Variants in CLK3 observed in about 807,000 individuals in gnomAD.
CLK3 encodes the protein dual specificity protein kinase CLK3.
CLK3 carries 24 observed loss-of-function variants against 65.2 expected under a neutral mutation model. The ratio of observed to expected loss-of-function variants is 0.37; its 90% CI spans 0.27 to 0.52. The LOEUF (loss-of-function observed/expected upper bound fraction) is 0.52. Ranked by LOEUF, CLK3 falls within the 20% of genes least tolerant of loss-of-function variation. The pLI, the probability that CLK3 is intolerant of heterozygous loss-of-function variation, is 0.92. For missense variants in CLK3, 506 were observed against 660.0 expected, an observed-to-expected ratio of 0.77 and a Z score of 2.56; for synonymous variants, 252 against 240.8, an observed-to-expected ratio of 1.05 and a Z score of -0.43.
intron 1 of CLK3, among the ~76,000 whole-genome samples, chr15:74,617,576 A>G (rs1456836166): frequency 6.6e-6 from 1 of 152,246 alleles, no homozygotes; most frequent in Non-Finnish European, 1.5e-5. Context: ...TGACATCTAT[A>G]TGACTCTGAA....
intron 5 of CLK3, chr15:74,623,563 T>TAC (rs2062120243): frequency 6.6e-6 from 1 of 152,150 alleles, no homozygotes; most frequent in Non-Finnish European, 1.5e-5. Context: ...TAAATGCCTG[T>TAC]ACGACTCAGC....
rs1012326908 is a variant in CLK3, at chr15:74,627,039, C to G, written c.818-313C>G. On this transcript the variant is annotated intron_variant, in intron 7 of 12. Coordinates refer to ENST00000395066, the MANE Select transcript of CLK3 (RefSeq NM_001130028.2). The surrounding 1 kb of genome is among the most constrained non-coding windows in gnomAD (Gnocchi z 4.3). ...CAGGGAAGAGGGAACCACCTCGAGG[C>G]TGTTGCTGTAGCTCTGCTGAGAGAC... is the stretch of plus-strand genomic sequence containing the variant. 1 of 511,228 alleles carries G rather than the reference C, an allele frequency of 2.0e-6. No homozygotes were observed. The highest frequency in any genetic ancestry group is 1.9e-5 in the African/African-American group (1 of 52,276). The allele number at this position is 511,228 out of a possible 1,614,324, so 31.7% of individuals were successfully genotyped here.
intron 1 of CLK3, among the ~76,000 whole-genome samples, chr15:74,618,291 C>G (rs1596286336): frequency 6.6e-6 from 1 of 152,194 alleles, no homozygotes; most frequent in East Asian, 1.9e-4. Flanking sequence ...GGTGGCAGAT[C>G]CAGCCTGGCA....
At position 74,627,384 on chromosome 15, in the gene CLK3, T is replaced by C. The variant is rs1156297620; in HGVS notation, c.850T>C (p.Leu284=). ...TGAGAATCAGCTGACCCATACAGAC[T>C]TGAAACCAGAGAACATCCTGTTTGT... ...LHENQLTHTD[L]KPENILFVNS... The change falls in exon 8 of 13, where the codon TTG becomes CTG. Residue 284 remains leucine (L), a synonymous_variant. Coordinates refer to ENST00000395066, the MANE Select transcript of CLK3 (RefSeq NM_001130028.2). The surrounding 1 kb of genome is among the most constrained non-coding windows in gnomAD (Gnocchi z 4.3). 1.2e-6 allele frequency: 2 copies of C among 1,614,042 alleles called. No homozygotes were observed. The highest frequency in any genetic ancestry group is 1.7e-6 in the Non-Finnish European group (2 of 1,180,020).
At chr15:74,628,900 C>A (rs765010968) in intron 11 of CLK3, 42 bp from the exon 12 acceptor site, 2 of 1,421,930 alleles carry the variant, frequency 1.4e-6, no homozygotes, top group Non-Finnish European at 2.0e-6. Context: ...AGGCTTGTCC[C>A]CTTACTACTC....
chr15:74,622,358 G>C lies in CLK3; in HGVS notation c.467-136G>C. 1 of 1,027,924 alleles carries C rather than the reference G, an allele frequency of 9.7e-7. No homozygotes were observed. The highest frequency in any genetic ancestry group is 1.5e-6 in the Non-Finnish European group (1 of 681,812). 63.7% of individuals were successfully genotyped at this position (1,027,924 alleles called of 1,614,324 possible). On this transcript the variant is annotated intron_variant, in intron 4 of 12. Transcript: ENST00000395066. The surrounding 1 kb of genome is among the most constrained non-coding windows in gnomAD (Gnocchi z 4.6). The stretch of plus-strand genomic sequence containing the variant: ...AATTGCCTGAATGACACAGACACTA[G>C]CAACTTCCATTTTTAAGAGTGTAGC...
intron 1 of CLK3, among the ~76,000 whole-genome samples, chr15:74,617,685 G>A (rs763584820): frequency 7.2e-5 from 11 of 152,242 alleles, no homozygotes; most frequent in Non-Finnish European, 1.2e-4. Flanking sequence ...GTGTCCTCCA[G>A]CTCTGGTGTT....
rs755302685 is a variant in CLK3 at position 74,629,898 on chromosome 15, C to T, written c.*15C>T. The T allele has an allele frequency of 5.6e-5, 90 of 1,600,280 alleles. No individual in the cohort carries two copies. Among genetic ancestry groups the T allele is most frequent in the Admixed American group, 1.5e-4 (9 of 58,170 alleles). On this transcript the variant is annotated 3_prime_UTR_variant, in exon 13 of 13. Transcript: ENST00000395066. ...CAAGCAGATGACAGGCACAGGCCAC[C>T]GCATGAGGAGATGGAGGGCGGGACT...
chr15:74,621,893 T>G lies in CLK3; in HGVS notation c.370-227T>G, dbSNP rs2141543759. The G allele has an allele frequency of 1.7e-6, 1 of 591,066 alleles. No individual in the cohort carries two copies. The highest frequency in any genetic ancestry group is 3.4e-5 in the East Asian group (1 of 29,394). 36.6% of individuals were successfully genotyped at this position (591,066 alleles called of 1,614,324 possible). A position where few individuals can be genotyped will look rare whatever the true frequency, so the allele number is the denominator to read the frequency against. On this transcript the variant is annotated intron_variant, in intron 3 of 12. Transcript: ENST00000395066. The surrounding 1 kb of genome is among the most constrained non-coding windows in gnomAD (Gnocchi z 4.8). ...TTTACATACCTGTAGCTGTTTTTAC[T>G]TTTCTGTTTTTGAAGTCAGTTTGTG...
chr15:74,624,878 C>T lies in CLK3; in HGVS notation c.534-24C>T, dbSNP rs1056943731. 1.3e-6 allele frequency: 2 copies of T among 1,562,468 alleles called. No individual in the cohort carries two copies. The highest frequency in any genetic ancestry group is 1.3e-5 in the African/African-American group (1 of 74,168). On this transcript the variant is annotated intron_variant, in intron 5 of 12. Transcript: ENST00000395066. This position sits in a 1 kb window ranked among gnomAD's most constrained non-coding sequence, Gnocchi z 4.2. Reference sequence around the variant, plus strand: ...GGACTGGGCAGCTGCTGATGAGAACCTCTGTTTCCTTCCCGGGTACCAGAG... The same window carrying T: ...GGACTGGGCAGCTGCTGATGAGAACTTCTGTTTCCTTCCCGGGTACCAGAG...
rs757818436 is a variant in CLK3, at chr15:74,627,558, T to C, written c.932T>C (p.Val311Ala). The part of the protein sequence containing the change: ...NEHKSCEEKS[V>A]KNTSIRVADF... ...TTTCAGAGCTGTGAGGAGAAGTCAG[T>C]GAAGAACACCAGCATCCGAGTGGCT... The change falls in exon 9 of 13, where the codon GTG becomes GCG. Residue 311 changes from valine (V) to alanine (A), a missense_variant. Physicochemically the swap from Val to Ala is moderately conservative, Grantham distance 64. Around this residue, in one of 2 missense-constraint regions of CLK3, gnomAD observed 325 missense variants for 500.5 expected, o/e 0.65. Transcript: ENST00000395066. This position sits in a 1 kb window ranked among gnomAD's most constrained non-coding sequence, Gnocchi z 4.3. The C allele has an allele frequency of 3.1e-6, 5 of 1,614,176 alleles. No individual in the cohort carries two copies. The highest frequency in any genetic ancestry group is 4.2e-6 in the Non-Finnish European group (5 of 1,180,022).
At chr15:74,610,109 C>T (rs930366563) in intron 1 of CLK3, among the ~76,000 whole-genome samples, 18 of 152,380 alleles carry the variant, frequency 1.2e-4, no homozygotes, top group Admixed American at 5.2e-4. Flanking sequence ...AGGGCCAGTG[C>T]GCAGGGCCTG....
At position 74,624,866 on chromosome 15, in the gene CLK3, G is replaced by A; in HGVS notation, c.534-36G>A. On this transcript the variant is annotated intron_variant, in intron 5 of 12. Coordinates refer to ENST00000395066, the MANE Select transcript of CLK3 (RefSeq NM_001130028.2). The surrounding 1 kb of genome is among the most constrained non-coding windows in gnomAD (Gnocchi z 4.2). ...AGGGTTGGGGAAGGACTGGGCAGCT[G>A]CTGATGAGAACCTCTGTTTCCTTCC... 1 of 1,495,960 alleles carries A rather than the reference G, an allele frequency of 6.7e-7. No homozygotes were observed. The highest frequency in any genetic ancestry group is 1.4e-5 in the African/African-American group (1 of 72,836). 92.7% of individuals were successfully genotyped at this position (1,495,960 alleles called of 1,614,324 possible).
chr15:74,614,420 C>G (rs2062028804), upstream of CLK3, among the ~76,000 whole-genome samples: 1 of 152,178 alleles, frequency 6.6e-6, no homozygotes, highest in South Asian at 2.1e-4. Context: ...ATCAAGCGAT[C>G]CTCCTGCCTC....
intron 3 of CLK3, chr15:74,620,975 C>T (rs1387081525): frequency 6.6e-6 from 1 of 152,378 alleles, no homozygotes; most frequent in African/African-American, 2.4e-5. Flanking sequence ...CTGGAGCCCA[C>T]ATTGCGCTCA....
chr15:74,627,152 C>T lies in CLK3; in HGVS notation c.818-200C>T. 1.4e-6 allele frequency: 1 copy of T among 700,560 alleles called. No individual in the cohort carries two copies. Among genetic ancestry groups the T allele is most frequent in the Non-Finnish European group, 2.6e-6 (1 of 381,200 alleles). The allele number at this position is 700,560 out of a possible 1,614,324, so 43.4% of individuals were successfully genotyped here. On this transcript the variant is annotated intron_variant, in intron 7 of 12. Coordinates refer to ENST00000395066, the MANE Select transcript of CLK3 (RefSeq NM_001130028.2). This position sits in a 1 kb window ranked among gnomAD's most constrained non-coding sequence, Gnocchi z 4.3. Reference sequence around the variant, plus strand: ...CTTTCCTACCCCCCTGCTAAAGTATCAGAACCCTCCAAGGCCTCAAGTACA... The same window carrying T: ...CTTTCCTACCCCCCTGCTAAAGTATTAGAACCCTCCAAGGCCTCAAGTACA...
chr15:74,628,753 G>T, intron 11 of CLK3, 70 bp downstream of exon 11: 2 of 1,322,854 alleles, frequency 1.5e-6, no homozygotes. Flanking sequence ...GGTCAGCAGG[G>T]TACTGGATGT....
Position 74,620,024 on chromosome 15 carries a change from C to T in CLK3, c.168C>T (p.Pro56=). ...RSRSRSHDRL[P]YQRRYRERRD... ...CTTTTGGCAGCCATGACCGCCTGCC[C>T]TACCAGAGGAGGTACCGGGAGCGCC... Residue 56 remains proline (P), a synonymous_variant, in exon 3 of 13, where the codon CCC becomes CCT. Coordinates refer to ENST00000395066, the MANE Select transcript of CLK3 (RefSeq NM_001130028.2). 1 of 1,614,158 alleles carries T rather than the reference C, an allele frequency of 6.2e-7. No individual in the cohort carries two copies. Among genetic ancestry groups the T allele is most frequent in the East Asian group, 2.2e-5 (1 of 44,884 alleles).
rs1484282414 is a variant in CLK3 at position 74,620,127 on chromosome 15, C to T, written c.271C>T (p.His91Tyr). 3 of 1,614,194 alleles carry T rather than the reference C, an allele frequency of 1.9e-6. No individual in the cohort carries two copies. The highest frequency in any genetic ancestry group is 1.7e-6 in the Non-Finnish European group (2 of 1,180,040). ...CTACTATGGACCTTCACGTTCTCGT[C>T]ATCGTCGGCGATCGCGGGAGAGGGG... The part of the protein sequence containing the change: ...EDYYGPSRSR[H>Y]RRRSRERGPY... Residue 91 changes from histidine (H) to tyrosine (Y), a missense_variant, in exon 3 of 13, where the codon CAT (histidine) becomes TAT (tyrosine). By Grantham distance (83) the His-to-Tyr change is moderately conservative (BLOSUM62 2). Transcript: ENST00000395066.
Sources: allele counts gnomAD v4.1 joint callset (sites outside exome capture counted in the v4.1 genomes callset), GRCh38; gene constraint gnomAD v4.1.1; regional missense constraint gnomAD v4.1.1; non-coding constraint Gnocchi (gnomAD v3.1); transcripts MANE v1.5; gene names NCBI Gene and HGNC (gene_info 2026-07-23, HGNC 2026-07-21).